MAGI2: variants seen among roughly 807,000 people sequenced by gnomAD.
The protein encoded by MAGI2 is membrane associated guanylate kinase, WW and PDZ domain containing 2.
MAGI2 carries 35 observed loss-of-function variants against 133.3 expected under a neutral mutation model. That is an observed-to-expected ratio of 0.26 (90% CI 0.20 to 0.35). The LOEUF (loss-of-function observed/expected upper bound fraction) is 0.35. Ranked by LOEUF, MAGI2 falls within the 10% of genes least tolerant of loss-of-function variation. The probability of loss-of-function intolerance (pLI) is 1.00; values close to 1 mark genes in which losing one functional copy is unlikely to be tolerated. For synonymous variants in MAGI2, 729 were observed against 710.6 expected, an observed-to-expected ratio of 1.03 and a Z score of -0.41; for missense variants, 1,636 against 1,863.4, an observed-to-expected ratio of 0.88 and a Z score of 2.25.
intron 1 of MAGI2, among the ~76,000 whole-genome samples, chr7:79,211,875 A>G (rs866345715): frequency 1.3e-5 from 2 of 152,156 alleles, no homozygotes; most frequent in African/African-American, 4.8e-5. Flanking sequence ...CCTTTTGAGC[A>G]TGATGAGTTT....
At chr7:78,400,451 G>C (rs1176062820) in intron 6 of MAGI2, among the ~76,000 whole-genome samples, 1 of 152,122 alleles carries the variant, frequency 6.6e-6, no homozygotes, top group Non-Finnish European at 1.5e-5. Flanking sequence ...TTAGTGTACA[G>C]ATCTGATTTT....
At chr7:78,020,025 C>T (rs753881641) in intron 21 of MAGI2, 49 bp from the exon 22 acceptor site, 3 of 1,501,416 alleles carry the variant, frequency 2.0e-6, no homozygotes, top group South Asian at 1.2e-5. Flanking sequence ...CAGGACGTCC[C>T]CGTGCCCTCT....
intron 6 of MAGI2, among the ~76,000 whole-genome samples, chr7:78,472,810 A>G (rs940828400): frequency 3.9e-5 from 6 of 152,118 alleles, no homozygotes; most frequent in Non-Finnish European, 8.8e-5. Flanking sequence ...TGATAGCTAT[A>G]GTGGTACTGA....
rs1848837602 is a variant in MAGI2 at position 79,446,175 on chromosome 7, A to C, written c.301+6845T>G. Reference sequence around the variant, plus strand: ...ACACCTGGGCCTGTTGTGCAGTGGGAGGAGGGGGGAGGGATAGCATTAGCA... The same window carrying C: ...ACACCTGGGCCTGTTGTGCAGTGGGCGGAGGGGGGAGGGATAGCATTAGCA... On this transcript the variant is annotated intron_variant, in intron 1 of 21. Transcript: ENST00000354212. 2.0e-5 allele frequency among the ~76,000 whole-genome samples: 3 copies of C among 152,240 alleles called. No homozygotes were observed. The South Asian group carries it at 6.2e-4, about 32-fold the overall frequency.
intron 1 of MAGI2, among the ~76,000 whole-genome samples, chr7:79,121,625 C>A (rs1819912026): frequency 6.6e-6 from 1 of 152,086 alleles, no homozygotes; most frequent in Non-Finnish European, 1.5e-5. Context: ...GAAACACCTC[C>A]TTTATCCAAC....
At chr7:79,003,618 C>A (rs1193931749) in intron 2 of MAGI2, among the ~76,000 whole-genome samples, 1 of 152,168 alleles carries the variant, frequency 6.6e-6, no homozygotes, top group Admixed American at 6.5e-5. Context: ...TCAATACCAA[C>A]AGATATGCTG....
chr7:78,646,510 A>C (rs1810912501), intron 2 of MAGI2, among the ~76,000 whole-genome samples: 1 of 152,226 alleles, frequency 6.6e-6, no homozygotes, highest in South Asian at 2.1e-4. Flanking sequence ...AGTAACTTTC[A>C]TATTGTTTTC....
intron 2 of MAGI2, among the ~76,000 whole-genome samples, chr7:78,992,473 T>A (rs1805885818): frequency 6.6e-6 from 1 of 151,522 alleles, no homozygotes; most frequent in Non-Finnish European, 1.5e-5. Flanking sequence ...AACTGACCAT[T>A]TTTTTTTGCA....
At chr7:78,708,559 C>CAT (rs1818872819) in intron 2 of MAGI2, among the ~76,000 whole-genome samples, 1 of 152,122 alleles carries the variant, frequency 6.6e-6, no homozygotes, top group African/African-American at 2.4e-5. Flanking sequence ...CATGTTAATT[C>CAT]ATTTCATTCT....
chr7:79,162,772 C>T (rs1034893774), intron 1 of MAGI2, among the ~76,000 whole-genome samples: 2 of 151,976 alleles, frequency 1.3e-5, no homozygotes, highest in African/African-American at 4.8e-5. Flanking sequence ...CAGAACAATG[C>T]TTATGTTTTC....
intron 11 of MAGI2, among the ~76,000 whole-genome samples, chr7:78,199,524 C>T (rs372305656): frequency 3.3e-5 from 5 of 152,152 alleles, no homozygotes; most frequent in South Asian, 4.1e-4. Context: ...TGATAGCTTA[C>T]GTAGCTAGCT....
chr7:79,283,944 A>C (rs1186931358), intron 1 of MAGI2, among the ~76,000 whole-genome samples: 2 of 152,104 alleles, frequency 1.3e-5, no homozygotes, highest in African/African-American at 4.8e-5. Context: ...TATTAGATAC[A>C]CAAATACTTA....
At chr7:78,129,682 C>T (rs929228497) in intron 18 of MAGI2, among the ~76,000 whole-genome samples, 1 of 152,042 alleles carries the variant, frequency 6.6e-6, no homozygotes, top group African/African-American at 2.4e-5. Context: ...CCGTGGCTCA[C>T]GCCTGTAATC....
At chr7:78,667,355 T>A (rs2151060216) in intron 2 of MAGI2, among the ~76,000 whole-genome samples, 1 of 151,690 alleles carries the variant, frequency 6.6e-6, no homozygotes. Flanking sequence ...ATTGGGTTTT[T>A]TTTTTTGAGA....
intron 20 of MAGI2, among the ~76,000 whole-genome samples, chr7:78,111,537 C>T (rs975227152): frequency 1.3e-5 from 2 of 152,210 alleles, no homozygotes; most frequent in South Asian, 4.1e-4. Context: ...GGTAATGAGC[C>T]CCTGAATAAT....
chr7:79,271,648 C>G (rs1365963090), intron 1 of MAGI2, among the ~76,000 whole-genome samples: 1 of 143,582 alleles, frequency 7.0e-6, no homozygotes, highest in Non-Finnish European at 1.5e-5. Flanking sequence ...CTGCAGGATG[C>G]TTGCTATGGT....
rs192690908 is a variant in MAGI2 at position 79,276,717 on chromosome 7, A to C, written c.301+176303T>G. Reference sequence around the variant, plus strand: ...AGTGGCTCATGCCTGGAATCCCAACACTTTGGGAGGCCAAGGCAGGCAGAT... The same window carrying C: ...AGTGGCTCATGCCTGGAATCCCAACCCTTTGGGAGGCCAAGGCAGGCAGAT... On this transcript the variant is annotated intron_variant, in intron 1 of 21. Transcript: ENST00000354212. 3.4e-3 allele frequency among the ~76,000 whole-genome samples: 522 copies of C among 152,292 alleles called. 6 individuals are homozygous for C. Among genetic ancestry groups the C allele is most frequent in the Middle Eastern group, 0.027 (8 of 294 alleles).
intron 12 of MAGI2, among the ~76,000 whole-genome samples, chr7:78,193,944 A>C (rs1426944815): frequency 6.6e-6 from 1 of 152,202 alleles, no homozygotes; most frequent in Non-Finnish European, 1.5e-5. Context: ...CCCTGAGCTC[A>C]TCAAAAGAGT....
chr7:78,961,160 G>A (rs1802803263), intron 2 of MAGI2, among the ~76,000 whole-genome samples: 2 of 152,074 alleles, frequency 1.3e-5, no homozygotes, highest in Admixed American at 1.3e-4. Context: ...GCAAATGAAA[G>A]GTAGGACTTT....
Sources: gnomAD v4.1 joint callset for allele counts (sites outside exome capture counted in the v4.1 genomes callset) on GRCh38, gnomAD v4.1.1 for gene constraint, MANE v1.5 for transcripts, NCBI Gene and HGNC (gene_info 2026-07-23, HGNC 2026-07-21) for gene names.